DNAJC15: variants seen among roughly 807,000 people sequenced by gnomAD.
DNAJC15 encodes the protein dnaJ homolog subfamily C member 15.
Under a neutral mutation model 22.4 loss-of-function variants are expected in DNAJC15, and 27 were observed. That is an observed-to-expected ratio of 1.20 (90% CI 0.89 to 1.66). DNAJC15 has a LOEUF of 1.66. Among genes scored for constraint, DNAJC15 ranks in the 40% most tolerant of loss-of-function variants. The pLI, the probability that DNAJC15 is intolerant of heterozygous loss-of-function variation, is 0.00. For missense variants in DNAJC15, 208 were observed against 187.1 expected, an observed-to-expected ratio of 1.11 and a Z score of -0.65; for synonymous variants, 79 against 63.2, an observed-to-expected ratio of 1.25 and a Z score of -1.19.
At chr13:43,102,254 T>C (rs577276603) in intron 5 of DNAJC15, among the ~76,000 whole-genome samples, 1 of 152,370 alleles carries the variant, frequency 6.6e-6, no homozygotes, top group Admixed American at 6.5e-5. Context: ...TTTCATGTCC[T>C]TAGCCCACTT....
intron 1 of DNAJC15, among the ~76,000 whole-genome samples, chr13:43,035,562 C>T (rs2040425221): frequency 6.6e-6 from 1 of 152,126 alleles, no homozygotes; most frequent in Admixed American, 6.5e-5. Flanking sequence ...GCACTTTCCT[C>T]CCCAAATAAT....
intron 1 of DNAJC15, among the ~76,000 whole-genome samples, chr13:43,043,089 G>T (rs1034758223): frequency 6.6e-6 from 1 of 152,100 alleles, no homozygotes; most frequent in Non-Finnish European, 1.5e-5. Flanking sequence ...TCACATTTTG[G>T]TTTAAAAAAG....
At chr13:43,047,975 G>A (rs1456878319) in intron 1 of DNAJC15, among the ~76,000 whole-genome samples, 1 of 152,146 alleles carries the variant, frequency 6.6e-6, no homozygotes, top group Non-Finnish European at 1.5e-5. Flanking sequence ...TAGCAGTCTA[G>A]GATGAGGATT....
chr13:43,052,067 C>G (rs1011293632), intron 1 of DNAJC15, among the ~76,000 whole-genome samples: 2 of 151,908 alleles, frequency 1.3e-5, no homozygotes, highest in African/African-American at 2.4e-5. Context: ...TTGGTTCAAG[C>G]GATTCTCCTG....
intron 3 of DNAJC15, among the ~76,000 whole-genome samples, chr13:43,069,821 A>G (rs2040600437): frequency 6.6e-6 from 1 of 152,210 alleles, no homozygotes; most frequent in Non-Finnish European, 1.5e-5. Flanking sequence ...TATTAAATAA[A>G]TGAACAGTAA....
rs1313723469 is a variant in DNAJC15 at position 43,111,762 on chromosome 13, CT to C, written c.*4515del. ...TCATCAACTAGATGGAGGCTCCTGGCTGCAAGGAGGATTTGATGGGAATGAG... is the reference window on the plus strand; with the variant it reads ...TCATCAACTAGATGGAGGCTCCTGGCGCAAGGAGGATTTGATGGGAATGAG... On this transcript the variant is annotated 3_prime_UTR_variant, in exon 6 of 6. Coordinates refer to ENST00000379221, the MANE Select transcript of DNAJC15 (RefSeq NM_013238.3). 1 of 152,194 alleles carries C rather than the reference CT, an allele frequency of 6.6e-6. No individual in the cohort carries two copies. The highest frequency in any genetic ancestry group is 1.5e-5 in the Non-Finnish European group (1 of 68,060). 9.4% of individuals were successfully genotyped at this position (152,194 alleles called of 1,614,324 possible).
At chr13:43,100,257 G>T (rs2040761184) in intron 5 of DNAJC15, among the ~76,000 whole-genome samples, 1 of 142,942 alleles carries the variant, frequency 7.0e-6, no homozygotes, top group African/African-American at 2.6e-5. Flanking sequence ...ACCCAGACTG[G>T]AGTGCAGTGG....
intron 1 of DNAJC15, among the ~76,000 whole-genome samples, chr13:43,027,478 A>G (rs2040385641): frequency 6.6e-6 from 1 of 152,228 alleles, no homozygotes; most frequent in Non-Finnish European, 1.5e-5. Flanking sequence ...TTCATTATAA[A>G]CAATCCTGAT....
chr13:43,072,260 TAGTG>T (rs1401301503), intron 3 of DNAJC15, among the ~76,000 whole-genome samples: 1 of 152,180 alleles, frequency 6.6e-6, no homozygotes, highest in Non-Finnish European at 1.5e-5. Context: ...CAAGAATTCT[TAGTG>T]AGCCCTAACT....
chr13:43,063,602 TG>T (rs1174963474), intron 1 of DNAJC15, among the ~76,000 whole-genome samples: 4 of 152,366 alleles, frequency 2.6e-5, no homozygotes, highest in African/African-American at 9.6e-5. Context: ...CATTTAATTT[TG>T]TGTGTGTGTT....
chr13:43,105,079 A>G (rs1767793555), intron 5 of DNAJC15, among the ~76,000 whole-genome samples: 1 of 151,636 alleles, frequency 6.6e-6, no homozygotes, highest in South Asian at 2.1e-4. Flanking sequence ...TATTATAACC[A>G]GGAGAGCATT....
At chr13:43,075,571 A>C (rs901858223) in intron 3 of DNAJC15, among the ~76,000 whole-genome samples, 3 of 152,222 alleles carry the variant, frequency 2.0e-5, no homozygotes, top group African/African-American at 7.2e-5. Context: ...GTTATGACTA[A>C]ATCAACTAAT....
chr13:43,097,390 C>T (rs893574231), intron 5 of DNAJC15, among the ~76,000 whole-genome samples: 5 of 152,068 alleles, frequency 3.3e-5, no homozygotes, highest in African/African-American at 1.2e-4. Flanking sequence ...GTAGGAAATA[C>T]AATTGGAGAG....
intron 5 of DNAJC15, among the ~76,000 whole-genome samples, chr13:43,094,833 A>T (rs1403608073): frequency 3.3e-5 from 5 of 152,134 alleles, no homozygotes; most frequent in Non-Finnish European, 5.9e-5. Context: ...CATTGCCCAT[A>T]CTTCTAATTT....
intron 1 of DNAJC15, among the ~76,000 whole-genome samples, chr13:43,057,715 C>T (rs910099508): frequency 1.3e-5 from 2 of 152,144 alleles, no homozygotes; most frequent in Admixed American, 6.5e-5. Context: ...GGTTCTTTCT[C>T]GTTTGGGTAG....
chr13:43,090,238 C>T (rs1566214998), intron 5 of DNAJC15, among the ~76,000 whole-genome samples: 1 of 152,224 alleles, frequency 6.6e-6, no homozygotes, highest in Non-Finnish European at 1.5e-5. Flanking sequence ...TTCAGCTAGG[C>T]ATCTGCCTTG....
intron 3 of DNAJC15, among the ~76,000 whole-genome samples, chr13:43,078,277 A>G (rs1298365777): frequency 6.6e-6 from 1 of 152,224 alleles, no homozygotes; most frequent in Non-Finnish European, 1.5e-5. Context: ...TCAACATTAA[A>G]TGACTTCATC....
chr13:43,053,443 T>C (rs1290228923), intron 1 of DNAJC15, among the ~76,000 whole-genome samples: 9 of 152,192 alleles, frequency 5.9e-5, no homozygotes, highest in Admixed American at 5.9e-4. Context: ...CTGTAAATGA[T>C]GATGCTCGTA....
chr13:43,050,746 A>G (rs893466196), intron 1 of DNAJC15, among the ~76,000 whole-genome samples: 1 of 152,218 alleles, frequency 6.6e-6, no homozygotes, highest in Non-Finnish European at 1.5e-5. Flanking sequence ...AACCCTTTCA[A>G]TAGAGAATTT....
Sources: gnomAD v4.1 joint callset for allele counts (sites outside exome capture counted in the v4.1 genomes callset) on GRCh38, gnomAD v4.1.1 for gene constraint, MANE v1.5 for transcripts, NCBI Gene and HGNC (gene_info 2026-07-23, HGNC 2026-07-21) for gene names.